The following LUZP1 variants were observed in gnomAD, a reference collection of about 807,000 sequenced individuals.
LUZP1 encodes the protein leucine zipper protein 1.
A neutral mutation model predicts 71.3 loss-of-function variants in LUZP1; 25 were observed. That is an observed-to-expected ratio of 0.35 (90% confidence interval 0.26 to 0.49). The LOEUF is 0.49. Ranked by LOEUF, LUZP1 falls within the 20% of genes least tolerant of loss-of-function variation. The pLI is 0.99. For missense variants in LUZP1, 1,142 were observed against 1,300.8 expected, an observed-to-expected ratio of 0.88 and a Z score of 1.88; for synonymous variants, 481 against 506.4, an observed-to-expected ratio of 0.95 and a Z score of 0.67.
intron 2 of LUZP1, among the ~76,000 whole-genome samples, chr1:23,125,258 TTC>T (rs1260746393): frequency 8.5e-5 from 13 of 152,168 alleles, no homozygotes; most frequent in African/African-American, 2.9e-4. Context: ...AGTGCATACT[TTC>T]TTCAAAAGTA....
Position 23,131,173 on chromosome 1 carries a change from C to G in LUZP1, c.-225-22046G>C, listed in dbSNP as rs147214970. On this transcript the variant is annotated intron_variant, in intron 2 of 4. Transcript: ENST00000302291. ...GATGGAGGTTGTAGTGAGCTGAGATCAACCCCACTGCAATCCAGCCCGGGC... is the reference window on the plus strand; with the variant it reads ...GATGGAGGTTGTAGTGAGCTGAGATGAACCCCACTGCAATCCAGCCCGGGC... Among the ~76,000 whole-genome samples, 178 of 126,040 alleles carry G rather than the reference C, an allele frequency of 1.4e-3. 1 individual carries two copies. Among genetic ancestry groups the G allele is most frequent in the African/African-American group, 4.9e-3 (166 of 33,872 alleles). 82.7% of individuals were successfully genotyped at this position (126,040 alleles called of 152,430 possible). A position where few individuals can be genotyped will look rare whatever the true frequency, so the allele number is the denominator to read the frequency against.
chr1:23,084,511 T>TA (rs1263593510), exon 5 of LUZP1: 3 of 152,192 alleles, frequency 2.0e-5, no homozygotes, highest in Non-Finnish European at 4.4e-5. Flanking sequence ...CCAGCATCCT[T>TA]ATCTGCAAAG....
intron 2 of LUZP1, among the ~76,000 whole-genome samples, chr1:23,163,361 A>G (rs1644484473): frequency 6.6e-6 from 1 of 151,266 alleles, no homozygotes; most frequent in South Asian, 2.1e-4. Context: ...AGCCTGGGCA[A>G]CAAAGCAAAA....
At chr1:23,139,229 C>G (rs1481442356) in intron 2 of LUZP1, among the ~76,000 whole-genome samples, 1 of 151,066 alleles carries the variant, frequency 6.6e-6, no homozygotes, top group African/African-American at 2.4e-5. Flanking sequence ...GCATCAAGGT[C>G]TCAATTCAGT....
chr1:23,091,987 C>T (rs1332298802), exon 4 of LUZP1: 1 of 1,614,144 alleles, frequency 6.2e-7, no homozygotes, highest in Non-Finnish European at 8.5e-7. Flanking sequence ...TCAACAATAA[C>T]AGGTTTGATG....
At chr1:23,134,790 C>G (rs767631525) in intron 2 of LUZP1, among the ~76,000 whole-genome samples, 1 of 151,936 alleles carries the variant, frequency 6.6e-6, no homozygotes, top group Non-Finnish European at 1.5e-5. Flanking sequence ...CTGAAACAAA[C>G]AAAAATAGCA....
At chr1:23,152,472 G>A (rs1400064776) in intron 2 of LUZP1, among the ~76,000 whole-genome samples, 1 of 152,118 alleles carries the variant, frequency 6.6e-6, no homozygotes, top group Admixed American at 6.6e-5. Flanking sequence ...GAGAGGCTAT[G>A]TCTTGTACCC....
At chr1:23,100,916 G>A (rs1643926491) in intron 3 of LUZP1, among the ~76,000 whole-genome samples, 1 of 151,960 alleles carries the variant, frequency 6.6e-6, no homozygotes, top group Admixed American at 6.6e-5. Flanking sequence ...TAAATACTGT[G>A]CTTTTTCCAG....
chr1:23,118,743 C>T (rs1353979479), intron 2 of LUZP1, among the ~76,000 whole-genome samples: 2 of 152,214 alleles, frequency 1.3e-5, no homozygotes, highest in African/African-American at 4.8e-5. Context: ...AAGTCCTCTT[C>T]TTCCTGGCAG....
intron 2 of LUZP1, among the ~76,000 whole-genome samples, chr1:23,117,017 A>G (rs1644084799): frequency 6.6e-6 from 1 of 152,212 alleles, no homozygotes; most frequent in African/African-American, 2.4e-5. Flanking sequence ...AGAGAGCCTG[A>G]GTGAAAAAGG....
At position 23,091,182 on chromosome 1, in the gene LUZP1, G is replaced by A. The variant is rs375008675; in HGVS notation, c.3072+8C>T. 3.1e-6 allele frequency: 5 copies of A among 1,593,942 alleles called. No individual in the cohort carries two copies. In the African/African-American group the frequency reaches 5.4e-5, roughly 17 times the overall value. On this transcript the variant is annotated splice_region_variant and intron_variant, in intron 4 of 4. Coordinates refer to ENST00000302291, the Ensembl canonical transcript of LUZP1. ...GAAAAGAGAGAGGGGAGAGAGGCTGGAACTCACCATGCTTGCTGAGTGGTT... is the reference window on the plus strand; with the variant it reads ...GAAAAGAGAGAGGGGAGAGAGGCTGAAACTCACCATGCTTGCTGAGTGGTT...
At chr1:23,177,994 C>G (rs139385726), upstream of LUZP1, among the ~76,000 whole-genome samples, 62 of 152,336 alleles carry the variant, frequency 4.1e-4, no homozygotes, top group African/African-American at 1.4e-3. Context: ...ACCCCGGGAG[C>G]GCAGCCAGGA....
chr1:23,126,906 T>C (rs915088241), intron 2 of LUZP1, among the ~76,000 whole-genome samples: 1 of 152,246 alleles, frequency 6.6e-6, no homozygotes, highest in Non-Finnish European at 1.5e-5. Context: ...CAGATAGATG[T>C]TTCCACATGC....
chr1:23,161,462 C>T (rs1644465743), intron 2 of LUZP1, among the ~76,000 whole-genome samples: 1 of 152,136 alleles, frequency 6.6e-6, no homozygotes, highest in Non-Finnish European at 1.5e-5. Context: ...GGAAACAGCT[C>T]ACTGAGTTTA....
At chr1:23,119,548 T>C (rs1303848987) in intron 2 of LUZP1, among the ~76,000 whole-genome samples, 1 of 152,208 alleles carries the variant, frequency 6.6e-6, no homozygotes, top group Non-Finnish European at 1.5e-5. Flanking sequence ...CTGGAGAGGA[T>C]GTTGAGAGGA....
chr1:23,146,308 G>A (rs1442061115), intron 2 of LUZP1, among the ~76,000 whole-genome samples: 1 of 152,242 alleles, frequency 6.6e-6, no homozygotes, highest in African/African-American at 2.4e-5. Flanking sequence ...GAGCCACCAC[G>A]CCCAGCCCAT....
chr1:23,090,333 AGT>A (rs1457202423), intron 4 of LUZP1: 1 of 153,018 alleles, frequency 6.5e-6, no homozygotes, highest in East Asian at 1.9e-4. Context: ...TGGGTAGTGA[AGT>A]ACTTTTGTCC....
intron 2 of LUZP1, among the ~76,000 whole-genome samples, chr1:23,166,677 A>G (rs868451936): frequency 2.3e-4 from 33 of 146,240 alleles, no homozygotes; most frequent in Admixed American, 1.0e-3. Flanking sequence ...AAAAAAAAAA[A>G]GGGATGCTAA....
At chr1:23,138,211 C>T (rs562628075) in intron 2 of LUZP1, among the ~76,000 whole-genome samples, 1 of 152,152 alleles carries the variant, frequency 6.6e-6, no homozygotes, top group East Asian at 1.9e-4. Flanking sequence ...TGAGCTCAGG[C>T]AATCCACCCG....
Sources: gnomAD v4.1 joint callset for allele counts (sites outside exome capture counted in the v4.1 genomes callset) on GRCh38, gnomAD v4.1.1 for gene constraint, MANE v1.5 for transcripts, NCBI Gene and HGNC (gene_info 2026-07-23, HGNC 2026-07-21) for gene names.